The following TMEM132C variants were observed in gnomAD, a reference collection of about 807,000 sequenced individuals.
TMEM132C encodes the protein transmembrane protein 132C, also known as protein phosphatase 1, regulatory subunit 152.
Under a neutral mutation model 61.4 loss-of-function variants are expected in TMEM132C, and 29 were observed. The ratio of observed to expected loss-of-function variants is 0.47; its 90% CI spans 0.35 to 0.64. TMEM132C has a LOEUF of 0.64. Among genes scored for constraint, TMEM132C ranks in the 30% least tolerant of loss-of-function variants. The pLI is 0.00. For synonymous variants in TMEM132C, 656 were observed against 633.1 expected (o/e 1.04, Z -0.54); for missense variants, 1,408 against 1,476.9 (o/e 0.95, Z 0.76).
chr12:128,415,340 G>C lies in TMEM132C; in HGVS notation c.694G>C (p.Val232Leu), dbSNP rs12307622. The C allele has an allele frequency of 1.9e-6, 3 of 1,582,178 alleles. No individual in the cohort carries two copies. Among genetic ancestry groups the C allele is most frequent in the African/African-American group, 1.3e-5 (1 of 74,228 alleles). ...GACCCCTGTGGAGCTCTACTACACC[G>C]TGCACCCAGGAAACGAGCGAGGGGA... ...EGTPVELYYT[V>L]HPGNERGDCA... is the part of the protein sequence containing the mutation. Residue 232 changes from valine to leucine, a missense_variant, in exon 2 of 9, where the codon GTG becomes CTG. Val to Leu is a conservative substitution (Grantham distance 32, BLOSUM62 1). Coordinates refer to ENST00000435159, the MANE Select transcript of TMEM132C (RefSeq NM_001136103.3). This position sits in a 1 kb window ranked among gnomAD's most constrained non-coding sequence, Gnocchi z 5.8.
At chr12:128,509,783 G>T (rs1284339693) in intron 2 of TMEM132C, among the ~76,000 whole-genome samples, 1 of 152,192 alleles carries the variant, frequency 6.6e-6, no homozygotes, top group East Asian at 1.9e-4. Context: ...GTGGACAGGG[G>T]AGGATTTGGT....
At chr12:128,354,194 G>T (rs965928010) in intron 1 of TMEM132C, among the ~76,000 whole-genome samples, 1 of 151,848 alleles carries the variant, frequency 6.6e-6, no homozygotes. Context: ...TGACTTTCTC[G>T]CATGAAGCCC....
At chr12:128,543,786 G>C in intron 2 of TMEM132C, among the ~76,000 whole-genome samples, 171 bp from the exon 3 acceptor site, 1 of 152,132 alleles carries the variant, frequency 6.6e-6, no homozygotes. Flanking sequence ...GGCAGATCCC[G>C]CTCGCCCTGC....
chr12:128,664,224 G>GCACCCATACACAGAAATAA (rs1469853936), intron 4 of TMEM132C, among the ~76,000 whole-genome samples: 1 of 139,564 alleles, frequency 7.2e-6, no homozygotes, highest in African/African-American at 3.2e-5. Flanking sequence ...GCCTGTGTGT[G>GCACCCATACACAGAAATAA]TTCCATGAAG....
At chr12:128,428,803 C>A (rs77445902) in intron 2 of TMEM132C, among the ~76,000 whole-genome samples, 47 of 152,284 alleles carry the variant, frequency 3.1e-4, no homozygotes, top group African/African-American at 1.1e-3. Flanking sequence ...GGACGGGTTC[C>A]CCAGCCTTTC....
chr12:128,547,335 G>A (rs1873987622), intron 3 of TMEM132C, among the ~76,000 whole-genome samples: 1 of 151,734 alleles, frequency 6.6e-6, no homozygotes, highest in Admixed American at 6.6e-5. Context: ...TGCAGACAGT[G>A]GTTCGTTCCT....
chr12:128,699,488 T>C (rs1335464276), intron 8 of TMEM132C, among the ~76,000 whole-genome samples: 1 of 152,222 alleles, frequency 6.6e-6, no homozygotes, highest in East Asian at 1.9e-4. Flanking sequence ...GAATCCTCTC[T>C]TAGTTCCACA....
intron 3 of TMEM132C, among the ~76,000 whole-genome samples, chr12:128,572,140 G>A (rs190659927): frequency 1.8e-4 from 28 of 151,760 alleles, no homozygotes; most frequent in Admixed American, 1.4e-3. Context: ...TGTGTCACAC[G>A]CCCATTGTGG....
intron 1 of TMEM132C, among the ~76,000 whole-genome samples, chr12:128,409,756 G>T (rs1464689476): frequency 6.6e-6 from 1 of 152,136 alleles, no homozygotes; most frequent in Non-Finnish European, 1.5e-5. Flanking sequence ...CTGAATCTCA[G>T]TAGGGGGCCA....
intron 3 of TMEM132C, among the ~76,000 whole-genome samples, chr12:128,601,913 C>G (rs78620290): frequency 0.024 from 3,693 of 152,232 alleles, 332 homozygotes; most frequent in East Asian, 0.21. Context: ...CGATTGCTTG[C>G]TCTGGGAGCA....
At position 128,449,096 on chromosome 12, in the gene TMEM132C, C is replaced by T. The variant is rs369574800; in HGVS notation, c.974+33476C>T. On this transcript the variant is annotated intron_variant, in intron 2 of 8. Transcript: ENST00000435159. Reference sequence around the variant, plus strand: ...AGCTTGCAGTGAGCCGAGATCACGCCACTGTACTCCAGCCTGGGAGGCAGA... The same window carrying T: ...AGCTTGCAGTGAGCCGAGATCACGCTACTGTACTCCAGCCTGGGAGGCAGA... 2.8e-4 allele frequency among the ~76,000 whole-genome samples: 38 copies of T among 133,948 alleles called. No homozygotes were observed. The East Asian group carries it at 7.1e-3, about 25-fold the overall frequency. 87.9% of individuals were successfully genotyped at this position (133,948 alleles called of 152,430 possible).
intron 2 of TMEM132C, among the ~76,000 whole-genome samples, chr12:128,426,192 G>A (rs941026009): frequency 7.2e-5 from 11 of 152,186 alleles, no homozygotes; most frequent in Admixed American, 3.3e-4. Flanking sequence ...AGTCTAGACC[G>A]CACTCTTAAA....
At chr12:128,484,885 G>A (rs534289192) in intron 2 of TMEM132C, among the ~76,000 whole-genome samples, 1 of 152,188 alleles carries the variant, frequency 6.6e-6, no homozygotes, top group East Asian at 1.9e-4. Context: ...TTGAGCCCAG[G>A]AGTTCGAGGC....
At chr12:128,484,556 T>C (rs1871422914) in intron 2 of TMEM132C, among the ~76,000 whole-genome samples, 1 of 152,130 alleles carries the variant, frequency 6.6e-6, no homozygotes, top group South Asian at 2.1e-4. Context: ...TTATGTCTCT[T>C]CTAGTGGGAG....
intron 1 of TMEM132C, among the ~76,000 whole-genome samples, chr12:128,299,705 G>T (rs1193367): frequency 0.035 from 5,329 of 152,080 alleles, 95 homozygotes; most frequent in African/African-American, 0.045. Flanking sequence ...TGTATAGCTT[G>T]GTCACCTTAA....
intron 2 of TMEM132C, among the ~76,000 whole-genome samples, chr12:128,534,251 C>T (rs1873437915): frequency 6.6e-6 from 1 of 152,186 alleles, no homozygotes; most frequent in African/African-American, 2.4e-5. Context: ...TGAGTAGGAG[C>T]ATCAGTGATC....
chr12:128,558,041 G>A (rs1156320674), intron 3 of TMEM132C, among the ~76,000 whole-genome samples: 1 of 152,206 alleles, frequency 6.6e-6, no homozygotes, highest in Non-Finnish European at 1.5e-5. Context: ...ACATGAAAAT[G>A]AGATGATAAG....
chr12:128,637,021 G>A (rs1424873323), intron 4 of TMEM132C, among the ~76,000 whole-genome samples: 1 of 152,142 alleles, frequency 6.6e-6, no homozygotes, highest in African/African-American at 2.4e-5. Flanking sequence ...TGGACACTTA[G>A]ACTGTTTTCA....
rs187636176 is a variant in TMEM132C, at chr12:128,485,268, G to A, written c.975-58689G>A. 1.0e-3 allele frequency among the ~76,000 whole-genome samples: 152 copies of A among 152,140 alleles called. 1 individual carries two copies. Among genetic ancestry groups the A allele is most frequent in the African/African-American group, 3.4e-3 (143 of 41,502 alleles). On this transcript the variant is annotated intron_variant, in intron 2 of 8. Transcript: ENST00000435159. ...CTCTGCTCACTGCAACCTCCGCCTCGCAGGTTCAAGCAATTCTCCTGCCTC... is the reference window on the plus strand; with the variant it reads ...CTCTGCTCACTGCAACCTCCGCCTCACAGGTTCAAGCAATTCTCCTGCCTC...
Sources: gnomAD v4.1 joint callset for allele counts (sites outside exome capture counted in the v4.1 genomes callset) on GRCh38, gnomAD v4.1.1 for gene constraint, Gnocchi (gnomAD v3.1) non-coding constraint, MANE v1.5 for transcripts, NCBI Gene and HGNC (gene_info 2026-07-23, HGNC 2026-07-21) for gene names.